Variants in IFFO2 observed in about 807,000 individuals in gnomAD.
IFFO2 encodes the protein intermediate filament family orphan 2.
In IFFO2, 19 loss-of-function variants were observed where a neutral mutation model predicts 53.5. The ratio of observed to expected loss-of-function variants is 0.36; its 90% CI spans 0.25 to 0.52. IFFO2 has a LOEUF of 0.52. Among genes scored for constraint, IFFO2 ranks in the 20% least tolerant of loss-of-function variants. The pLI is 0.94. For missense variants in IFFO2, 570 were observed against 727.4 expected, an observed-to-expected ratio of 0.78 and a Z score of 2.49; for synonymous variants, 303 against 313.6, an observed-to-expected ratio of 0.97 and a Z score of 0.36.
intron 5 of IFFO2, among the ~76,000 whole-genome samples, chr1:18,913,190 G>GT (rs372952205): frequency 7.9e-4 from 121 of 152,338 alleles, no homozygotes; most frequent in African/African-American, 2.8e-3. Context: ...AGGCCGTCTG[G>GT]TAAAAAGCTG....
intron 1 of IFFO2, among the ~76,000 whole-genome samples, chr1:18,949,620 A>C (rs1320832895): frequency 6.6e-6 from 1 of 152,272 alleles, no homozygotes; most frequent in Non-Finnish European, 1.5e-5. Flanking sequence ...GGCACAGTTT[A>C]AATCAATTCT....
At chr1:18,913,478 G>C (rs1048953353) in intron 5 of IFFO2, among the ~76,000 whole-genome samples, 1 of 152,260 alleles carries the variant, frequency 6.6e-6, no homozygotes, top group Non-Finnish European at 1.5e-5. Context: ...GAAGGGACTC[G>C]GAAGAGGCCT....
At chr1:18,937,129 C>T (rs1244716004) in intron 1 of IFFO2, among the ~76,000 whole-genome samples, 1 of 152,152 alleles carries the variant, frequency 6.6e-6, no homozygotes, top group Non-Finnish European at 1.5e-5. Flanking sequence ...CCTGCCATGC[C>T]GCTGGTAAGG....
At chr1:18,938,927 G>A (rs970772699) in intron 1 of IFFO2, among the ~76,000 whole-genome samples, 1 of 152,234 alleles carries the variant, frequency 6.6e-6, no homozygotes, top group African/African-American at 2.4e-5. Flanking sequence ...TTGGCCCCAG[G>A]GGCCGGGACA....
At chr1:18,927,912 C>T (rs975232661) in intron 1 of IFFO2, among the ~76,000 whole-genome samples, 2 of 152,198 alleles carry the variant, frequency 1.3e-5, no homozygotes, top group African/African-American at 4.8e-5. Flanking sequence ...GCACACCATC[C>T]CCCTCGAATA....
rs533780319 is a variant in IFFO2 at position 18,948,271 on chromosome 1, C to A, written c.665+7397G>T. Among the ~76,000 whole-genome samples the A allele has an allele frequency of 1.3e-5, 2 of 152,346 alleles. 1 individual carries two copies. Among genetic ancestry groups the A allele is most frequent in the South Asian group, 4.1e-4 (2 of 4,832 alleles). On this transcript the variant is annotated intron_variant, in intron 1 of 8. Transcript: ENST00000455833. ...AGCAGAACTCGTAAGAAACCACACC[C>A]CCATTGTACAGAGCGACAAACTGAG...
At chr1:18,920,228 T>C (rs1310470061) in intron 2 of IFFO2, among the ~76,000 whole-genome samples, 1 of 152,170 alleles carries the variant, frequency 6.6e-6, no homozygotes, top group Non-Finnish European at 1.5e-5. Context: ...CTGGAAATAA[T>C]TTTTATTTTT....
chr1:18,949,865 C>G (rs1428739937), intron 1 of IFFO2, among the ~76,000 whole-genome samples: 1 of 152,350 alleles, frequency 6.6e-6, no homozygotes, highest in African/African-American at 2.4e-5. Flanking sequence ...CATCCGGTCT[C>G]GTTTGCCAAG....
rs766618754 is a variant in IFFO2 at position 18,918,371 on chromosome 1, C to A, written c.954G>T (p.Lys318Asn). 1 of 1,551,734 alleles carries A rather than the reference C, an allele frequency of 6.4e-7. No individual in the cohort carries two copies. Residue 318 changes from lysine to asparagine, a missense_variant, in exon 4 of 9, where the codon AAG (lysine) becomes AAT (asparagine). Lys to Asn is a moderately conservative substitution (Grantham distance 94, BLOSUM62 0). Transcript: ENST00000455833. The surrounding 1 kb of genome is among the most constrained non-coding windows in gnomAD (Gnocchi z 5.2). Reference sequence around the variant, plus strand: ...GGGCAGCCCTAGTCACCTGGAAGATCTTGGACACGTCTTCTGAGTTCCGCT... The same window carrying A: ...GGGCAGCCCTAGTCACCTGGAAGATATTGGACACGTCTTCTGAGTTCCGCT... The part of the protein sequence containing the change: ...AQQRNSEDVS[K>N]IFQVVPKKKE...
At chr1:18,937,022 T>C (rs1936458272) in intron 1 of IFFO2, among the ~76,000 whole-genome samples, 1 of 150,352 alleles carries the variant, frequency 6.7e-6, no homozygotes, top group Non-Finnish European at 1.5e-5. Context: ...AGGTCATTCA[T>C]AAATGAGAAG....
intron 1 of IFFO2, among the ~76,000 whole-genome samples, chr1:18,951,271 G>C (rs566865500): frequency 6.6e-6 from 1 of 152,110 alleles, no homozygotes; most frequent in South Asian, 2.1e-4. Flanking sequence ...CTCCCAAGGC[G>C]CCCTGCTATG....
Position 18,916,877 on chromosome 1 carries a change from A to AGT in IFFO2, c.1103+24_1103+25dup, listed in dbSNP as rs1027283030. On this transcript the variant is annotated intron_variant, in intron 5 of 8. Transcript: ENST00000455833. The surrounding 1 kb of genome is among the most constrained non-coding windows in gnomAD (Gnocchi z 4.3). ...GTGCAAGCAATCCGGGGAAACGGAGAGTGTGCGGGCCACGGGGATACTCAC... is the reference window on the plus strand; with the variant it reads ...GTGCAAGCAATCCGGGGAAACGGAGAGTGTGTGCGGGCCACGGGGATACTCAC... 1 of 1,550,522 alleles carries AGT rather than the reference A, an allele frequency of 6.4e-7. No individual in the cohort carries two copies. The highest frequency in any genetic ancestry group is 2.0e-5 in the Admixed American group (1 of 50,952).
rs901338727 is a variant in IFFO2 at position 18,918,105 on chromosome 1, C to T, written c.963+257G>A. 1.3e-5 allele frequency among the ~76,000 whole-genome samples: 2 copies of T among 152,210 alleles called. No homozygotes were observed. The highest frequency in any genetic ancestry group is 6.5e-5 in the Admixed American group (1 of 15,286). On this transcript the variant is annotated intron_variant, in intron 4 of 8. Transcript: ENST00000455833. The surrounding 1 kb of genome is among the most constrained non-coding windows in gnomAD (Gnocchi z 5.2). ...GAGACTGATTTCTGCCACTTCCTTC[C>T]GTGAGCACAGCACATCACCCTCTGG...
chr1:18,924,532 G>A (rs1463987745), intron 1 of IFFO2, among the ~76,000 whole-genome samples: 4 of 152,116 alleles, frequency 2.6e-5, no homozygotes, highest in Non-Finnish European at 4.4e-5. Context: ...TGCAGACATC[G>A]TTTCCTTTCA....
At chr1:18,920,766 G>T (rs958010728) in intron 2 of IFFO2, among the ~76,000 whole-genome samples, 1 of 152,202 alleles carries the variant, frequency 6.6e-6, no homozygotes, top group Non-Finnish European at 1.5e-5. Context: ...GGGTGAGAAG[G>T]GTCGCTGGTC....
At chr1:18,935,656 T>C (rs1202589766) in intron 1 of IFFO2, among the ~76,000 whole-genome samples, 1 of 151,616 alleles carries the variant, frequency 6.6e-6, no homozygotes, top group African/African-American at 2.4e-5. Flanking sequence ...CCCCTGCTGG[T>C]CTCCTCTGCT....
rs1557644148 is a variant in IFFO2 at position 18,928,513 on chromosome 1, GTGCCCCCAGAACAC to G, written c.666-7406_666-7393del. ...AGGTTTGAGAAGCCACTAATCAAGTGTGCCCCCAGAACACTGCCACCCACACAGACACACAGAGC... is the reference window on the plus strand; with the variant it reads ...AGGTTTGAGAAGCCACTAATCAAGTGTGCCACCCACACAGACACACAGAGC... On this transcript the variant is annotated intron_variant, in intron 1 of 8. Transcript: ENST00000455833. The surrounding 1 kb of genome is among the most constrained non-coding windows in gnomAD (Gnocchi z 4.9). Among the ~76,000 whole-genome samples, 1 of 152,182 alleles carries G rather than the reference GTGCCCCCAGAACAC, an allele frequency of 6.6e-6. No individual in the cohort carries two copies. Among genetic ancestry groups the G allele is most frequent in the Non-Finnish European group, 1.5e-5 (1 of 68,038 alleles).
chr1:18,927,147 TA>T (rs1212194218), intron 1 of IFFO2, among the ~76,000 whole-genome samples: 4 of 152,070 alleles, frequency 2.6e-5, no homozygotes, highest in Admixed American at 2.0e-4. Flanking sequence ...ATGGTGTGGG[TA>T]AAAGCACCCT....
intron 1 of IFFO2, among the ~76,000 whole-genome samples, chr1:18,922,888 G>A (rs1326655966): frequency 6.6e-6 from 1 of 152,026 alleles, no homozygotes; most frequent in Non-Finnish European, 1.5e-5. Context: ...TCACCGAGAA[G>A]AGCAGGCCCC....
Sources: allele counts gnomAD v4.1 joint callset (sites outside exome capture counted in the v4.1 genomes callset), GRCh38; gene constraint gnomAD v4.1.1; non-coding constraint Gnocchi (gnomAD v3.1); transcripts MANE v1.5; gene names NCBI Gene and HGNC (gene_info 2026-07-23, HGNC 2026-07-21).